PIK3C2A: variants seen among roughly 807,000 people sequenced by gnomAD.
PIK3C2A encodes phosphatidylinositol-4-phosphate 3-kinase catalytic subunit type 2 alpha.
In PIK3C2A, 97 loss-of-function variants were observed where a neutral mutation model predicts 204.5. The observed-to-expected ratio is 0.47, with a 90% CI of 0.40 to 0.56. The LOEUF is 0.56. Among genes scored for constraint, PIK3C2A ranks in the 20% least tolerant of loss-of-function variants. The pLI, the probability that PIK3C2A is intolerant of heterozygous loss-of-function variation, is 0.00. For missense variants in PIK3C2A, 1,735 were observed against 1,969.2 expected, an observed-to-expected ratio of 0.88 and a Z score of 2.25; for synonymous variants, 653 against 664.4, an observed-to-expected ratio of 0.98 and a Z score of 0.26.
At chr11:17,107,151 A>G (rs1294384212) in intron 22 of PIK3C2A, among the ~76,000 whole-genome samples, 1 of 152,052 alleles carries the variant, frequency 6.6e-6, no homozygotes, top group Non-Finnish European at 1.5e-5. Context: ...ATCTCTACTA[A>G]AAGTACAAAA....
chr11:17,131,761 T>C (rs932968783), intron 12 of PIK3C2A, among the ~76,000 whole-genome samples, 155 bp downstream of exon 12: 6 of 152,142 alleles, frequency 3.9e-5, no homozygotes, highest in Non-Finnish European at 2.9e-5. Flanking sequence ...GTCTGTTCTA[T>C]AAAATCATAT....
chr11:17,197,540 A>AC (rs930920771), intron 1 of PIK3C2A, among the ~76,000 whole-genome samples: 1 of 152,160 alleles, frequency 6.6e-6, no homozygotes, highest in African/African-American at 2.4e-5. Flanking sequence ...AGGGTATCTA[A>AC]CCATGATAAT....
chr11:17,140,001 A>T (rs1471720685), intron 8 of PIK3C2A, among the ~76,000 whole-genome samples: 1 of 152,162 alleles, frequency 6.6e-6, no homozygotes, highest in African/African-American at 2.4e-5. Flanking sequence ...TCCCTATAGG[A>T]TATTAAACCA....
chr11:17,105,421 C>A (rs1023595738), intron 22 of PIK3C2A, 116 bp from the exon 23 acceptor site: 17 of 841,828 alleles, frequency 2.0e-5, no homozygotes, highest in Non-Finnish European at 2.7e-5. Context: ...GATACACGTG[C>A]AGAATGTGCA....
At chr11:17,164,952 A>G (rs975327023) in intron 2 of PIK3C2A, among the ~76,000 whole-genome samples, 4 of 152,166 alleles carry the variant, frequency 2.6e-5, no homozygotes, top group African/African-American at 4.8e-5. Flanking sequence ...TAAATACATA[A>G]GAAAAAATAA....
chr11:17,118,682 C>A lies in PIK3C2A; in HGVS notation c.2998G>T (p.Ala1000Ser). The A allele has an allele frequency of 6.4e-7, 1 of 1,559,468 alleles. No individual in the cohort carries two copies. Among genetic ancestry groups the A allele is most frequent in the African/African-American group, 1.4e-5 (1 of 73,850 alleles). ...TGTGCTATCTGGATATTTCCCAATG[C>A]CCTGGACAAAAGGAATTGCACTAAT... The part of the protein sequence containing the change: ...SSLVQFLLSR[A>S]LGNIQIAHNL... The change falls in exon 18 of 33, where the codon GCA becomes TCA. Residue 1000 changes from alanine to serine, a missense_variant. This residue lies in a region of PIK3C2A where 567 missense variants were observed against 576.0 expected (regional missense o/e 0.98). Coordinates refer to ENST00000691414, the MANE Select transcript of PIK3C2A (RefSeq NM_002645.4).
intron 3 of PIK3C2A, among the ~76,000 whole-genome samples, chr11:17,154,575 C>T (rs1850522570): frequency 6.6e-6 from 1 of 152,122 alleles, no homozygotes; most frequent in Non-Finnish European, 1.5e-5. Flanking sequence ...GATAACAGAT[C>T]TCTCATCCTC....
At position 17,086,607 on chromosome 11, in the gene PIK3C2A, G is replaced by T. The variant is rs1412301258; in HGVS notation, c.*3131C>A. 6.6e-6 allele frequency: 1 copy of T among 152,124 alleles called. No individual in the cohort carries two copies. Among genetic ancestry groups the T allele is most frequent in the Non-Finnish European group, 1.5e-5 (1 of 68,016 alleles). The allele number at this position is 152,124 out of a possible 1,614,324, so 9.4% of individuals were successfully genotyped here. ...CCAGAAATATTTTAATACAATCGTA[G>T]TACAGTTATGAAGTCACATTCAATC... On this transcript the variant is annotated 3_prime_UTR_variant, in exon 33 of 33. Coordinates refer to ENST00000691414, the MANE Select transcript of PIK3C2A (RefSeq NM_002645.4).
chr11:17,134,421 G>A (rs1436626398), intron 11 of PIK3C2A, among the ~76,000 whole-genome samples: 2 of 151,774 alleles, frequency 1.3e-5, no homozygotes, highest in African/African-American at 2.4e-5. Context: ...GAGTGCAATG[G>A]TGCAATCTTG....
At chr11:17,183,312 A>G (rs373725220) in intron 1 of PIK3C2A, among the ~76,000 whole-genome samples, 2 of 152,372 alleles carry the variant, frequency 1.3e-5, no homozygotes, top group African/African-American at 4.8e-5. Flanking sequence ...AACAACTTTT[A>G]TGAAAGTATA....
Position 17,122,337 on chromosome 11 carries a change from T to C in PIK3C2A, c.2512-4A>G, listed in dbSNP as rs1344685672. On this transcript the variant is annotated splice_polypyrimidine_tract_variant and splice_region_variant and intron_variant, in intron 14 of 32. Coordinates refer to ENST00000691414, the MANE Select transcript of PIK3C2A (RefSeq NM_002645.4). ...ATGCAGGAGAAGGAAAATCAACCTT[T>C]AAAATTTAACAGAAATTGATCAAAT... 1.3e-6 allele frequency: 2 copies of C among 1,516,260 alleles called. No homozygotes were observed. Among genetic ancestry groups the C allele is most frequent in the South Asian group, 1.2e-5 (1 of 86,466 alleles). 93.9% of individuals were successfully genotyped at this position (1,516,260 alleles called of 1,614,324 possible). A position where few individuals can be genotyped will look rare whatever the true frequency, so the allele number is the denominator to read the frequency against.
Position 17,088,108 on chromosome 11 carries a change from C to G in PIK3C2A, c.*1630G>C, listed in dbSNP as rs1159393114. On this transcript the variant is annotated 3_prime_UTR_variant, in exon 33 of 33. Coordinates refer to ENST00000691414, the MANE Select transcript of PIK3C2A (RefSeq NM_002645.4). ...ATTTTGTCAGTTTTCTCACAGCAAC[C>G]TGATTGGTACAATTTCTATTACCAT... The G allele has an allele frequency of 3.3e-5, 5 of 152,138 alleles. No individual in the cohort carries two copies. Among genetic ancestry groups the G allele is most frequent in the African/African-American group, 1.2e-4 (5 of 41,420 alleles). 9.4% of individuals were successfully genotyped at this position (152,138 alleles called of 1,614,324 possible). A position where few individuals can be genotyped will look rare whatever the true frequency, so the allele number is the denominator to read the frequency against.
At chr11:17,151,510 A>G (rs1215825376) in intron 3 of PIK3C2A, among the ~76,000 whole-genome samples, 2 of 152,178 alleles carry the variant, frequency 1.3e-5, no homozygotes, top group Non-Finnish European at 2.9e-5. Context: ...GATGACAGAA[A>G]AAGGTTCTGG....
intron 1 of PIK3C2A, among the ~76,000 whole-genome samples, chr11:17,199,844 C>T (rs991029184): frequency 2.7e-5 from 4 of 148,608 alleles, no homozygotes; most frequent in Admixed American, 6.8e-5. Context: ...ATTGCTTGAA[C>T]CTGGGAGGCA....
intron 1 of PIK3C2A, among the ~76,000 whole-genome samples, chr11:17,198,553 C>T (rs182636129): frequency 3.2e-4 from 49 of 152,126 alleles, no homozygotes; most frequent in East Asian, 9.6e-4. Flanking sequence ...TTTTAAAATA[C>T]GTTTCCATCC....
intron 3 of PIK3C2A, among the ~76,000 whole-genome samples, chr11:17,154,848 G>A (rs1188524579): frequency 6.6e-6 from 1 of 152,118 alleles, no homozygotes; most frequent in African/African-American, 2.4e-5. Context: ...CTGCTATTTG[G>A]GTTGTGAACC....
chr11:17,174,834 A>G (rs1188897519), intron 1 of PIK3C2A, among the ~76,000 whole-genome samples: 5 of 152,162 alleles, frequency 3.3e-5, no homozygotes, highest in Non-Finnish European at 7.4e-5. Context: ...CCCTGGAGGC[A>G]GAGATGGCAG....
At chr11:17,175,715 A>T (rs1295455443) in intron 1 of PIK3C2A, among the ~76,000 whole-genome samples, 2 of 152,232 alleles carry the variant, frequency 1.3e-5, no homozygotes, top group Non-Finnish European at 2.9e-5. Flanking sequence ...TAAACTATTT[A>T]GTTAAACGTT....
intron 13 of PIK3C2A, among the ~76,000 whole-genome samples, chr11:17,126,466 A>G (rs886878343): frequency 1.3e-5 from 2 of 152,244 alleles, no homozygotes; most frequent in African/African-American, 2.4e-5. Context: ...TTTGGCTTCA[A>G]TAATAGTGAC....
Sources: gnomAD v4.1 joint callset for allele counts (sites outside exome capture counted in the v4.1 genomes callset) on GRCh38, gnomAD v4.1.1 for gene constraint, gnomAD v4.1.1 regional missense constraint, MANE v1.5 for transcripts, NCBI Gene and HGNC (gene_info 2026-07-23, HGNC 2026-07-21) for gene names.